The following HERC1 variants were observed in gnomAD, a reference collection of about 807,000 sequenced individuals.
HERC1 encodes the protein probable E3 ubiquitin-protein ligase HERC1.
HERC1 carries 160 observed loss-of-function variants against 554.3 expected under a neutral mutation model. That is an observed-to-expected ratio of 0.29 (90% CI 0.25 to 0.33). HERC1 has a LOEUF of 0.33. Ranked by LOEUF, HERC1 falls within the 10% of genes least tolerant of loss-of-function variation. The pLI, the probability that HERC1 is intolerant of heterozygous loss-of-function variation, is 1.00. For missense variants in HERC1, 4,919 were observed against 5,918.5 expected, an observed-to-expected ratio of 0.83 and a Z score of 5.54; for synonymous variants, 2,175 against 2,131.7, an observed-to-expected ratio of 1.02 and a Z score of -0.56.
chr15:63,609,012 G>C lies in HERC1; in HGVS notation c.*69C>G, dbSNP rs1032037660. On this transcript the variant is annotated 3_prime_UTR_variant, in exon 78 of 78. Transcript: ENST00000443617. The stretch of plus-strand genomic sequence containing the variant: ...TAACATCTATGTAGTTACCATAAAA[G>C]TATATCAACATCAAATCAGAAGTGA... 55 of 1,378,218 alleles carry C rather than the reference G, an allele frequency of 4.0e-5. 2 individuals carry two copies. The South Asian group carries it at 6.6e-4, about 16-fold the overall frequency. 85.4% of individuals were successfully genotyped at this position (1,378,218 alleles called of 1,614,324 possible). A position where few individuals can be genotyped will look rare whatever the true frequency, so the allele number is the denominator to read the frequency against.
At chr15:63,671,157 C>T (rs2152966368) in intron 39 of HERC1, among the ~76,000 whole-genome samples, 1 of 149,212 alleles carries the variant, frequency 6.7e-6, no homozygotes. Flanking sequence ...GAGCCCAGAT[C>T]GCACCACTGC....
chr15:63,724,000 A>G (rs1395549316), intron 18 of HERC1, among the ~76,000 whole-genome samples: 2 of 152,230 alleles, frequency 1.3e-5, no homozygotes, highest in Non-Finnish European at 2.9e-5. Flanking sequence ...AACCCATAGT[A>G]TAACTGAATT....
chr15:63,703,852 T>C (rs1017762616), intron 25 of HERC1, among the ~76,000 whole-genome samples: 6 of 151,056 alleles, frequency 4.0e-5, no homozygotes, highest in Admixed American at 4.0e-4. Flanking sequence ...TGAGCCTCAG[T>C]GGTGCAGTGA....
chr15:63,654,035 C>G, intron 51 of HERC1, 84 bp downstream of exon 51: 1 of 1,054,768 alleles, frequency 9.5e-7, no homozygotes, highest in Non-Finnish European at 1.4e-6. Context: ...AGAGAGAGAC[C>G]TAAACTTTGA....
intron 27 of HERC1, among the ~76,000 whole-genome samples, chr15:63,695,439 G>A (rs1216725888): frequency 7.2e-6 from 1 of 139,636 alleles, no homozygotes; most frequent in Non-Finnish European, 1.5e-5. Flanking sequence ...AGGCTGGAGT[G>A]TAGTGGGGTG....
chr15:63,690,401 A>G (rs1228517767), intron 32 of HERC1, 140 bp downstream of exon 32: 1 of 570,344 alleles, frequency 1.8e-6, no homozygotes, highest in Non-Finnish European at 3.1e-6. Flanking sequence ...GTGAAATAAT[A>G]AAGAAAGCAG....
intron 25 of HERC1, among the ~76,000 whole-genome samples, chr15:63,703,298 A>C (rs2072829103): frequency 6.6e-6 from 1 of 152,216 alleles, no homozygotes; most frequent in African/African-American, 2.4e-5. Context: ...GTGGTTCAAC[A>C]GCGTGAATCT....
At chr15:63,776,946 T>C (rs1181960998) in intron 1 of HERC1, among the ~76,000 whole-genome samples, 1 of 152,240 alleles carries the variant, frequency 6.6e-6, no homozygotes, top group Non-Finnish European at 1.5e-5. Flanking sequence ...ACATCTGTAG[T>C]TTATTTTGAA....
At chr15:63,632,936 C>A in intron 67 of HERC1, 125 bp from the exon 68 acceptor site, 2 of 652,886 alleles carry the variant, frequency 3.1e-6, no homozygotes, top group East Asian at 2.7e-5. Context: ...ACCTGTTCGA[C>A]CCAAATCCAA....
rs748991540 is a variant in HERC1 at position 63,732,989 on chromosome 15, G to T, written c.2803C>A (p.His935Asn). The stretch of plus-strand genomic sequence containing the variant: ...ATTTCAGCCAGGTGGGTATCTGGAT[G>T]GCAGCTCTGAGTGCCGTAAGGTTGA... Reference protein sequence around the residue: ...SDQPYGTQSCHPDTHLAEILM... With the variant: ...SDQPYGTQSCNPDTHLAEILM... Residue 935 changes from histidine to asparagine, a missense_variant, in exon 14 of 78, where the codon CAT becomes AAT. Physicochemically the swap from His to Asn is moderately conservative, Grantham distance 68 (BLOSUM62 1). Transcript: ENST00000443617. 6.2e-7 allele frequency: 1 copy of T among 1,613,962 alleles called. No homozygotes were observed. Among genetic ancestry groups the T allele is most frequent in the Non-Finnish European group, 8.5e-7 (1 of 1,179,864 alleles).
chr15:63,822,163 A>C (rs995351712), intron 1 of HERC1, among the ~76,000 whole-genome samples: 5 of 152,234 alleles, frequency 3.3e-5, no homozygotes, highest in African/African-American at 1.2e-4. Flanking sequence ...TGGCCCGGTC[A>C]GGGAATACGG....
In HERC1 at chr15:63,734,379, T is replaced by C. The variant is rs2074415411; in HGVS notation, c.2646+345A>G. On this transcript the variant is annotated intron_variant, in intron 13 of 77. Coordinates refer to ENST00000443617, the MANE Select transcript of HERC1 (RefSeq NM_003922.4). The surrounding 1 kb of genome is among the most constrained non-coding windows in gnomAD (Gnocchi z 4.6). ...TCCTAATAGTCATCTATACTCTTTA[T>C]ACAAACGATTTCAGACAAAGTTCTC... is the stretch of plus-strand genomic sequence containing the variant. Among the ~76,000 whole-genome samples, 1 of 152,168 alleles carries C rather than the reference T, an allele frequency of 6.6e-6. No individual in the cohort carries two copies. Among genetic ancestry groups the C allele is most frequent in the East Asian group, 1.9e-4 (1 of 5,200 alleles).
intron 1 of HERC1, among the ~76,000 whole-genome samples, chr15:63,824,880 T>A (rs1596332638): frequency 6.8e-6 from 1 of 147,306 alleles, no homozygotes; most frequent in Non-Finnish European, 1.5e-5. Context: ...CTTCTATATG[T>A]GGAATCTTAA....
chr15:63,748,171 A>G (rs970623138), intron 10 of HERC1, among the ~76,000 whole-genome samples: 2 of 152,148 alleles, frequency 1.3e-5, no homozygotes, highest in Non-Finnish European at 2.9e-5. Flanking sequence ...CACTGCAGTG[A>G]GCAGAGACTG....
At chr15:63,704,734 A>ATTT (rs567922548) in intron 25 of HERC1, among the ~76,000 whole-genome samples, 7 of 88,426 alleles carry the variant, frequency 7.9e-5, no homozygotes, top group East Asian at 4.4e-4. Flanking sequence ...ATACTCTGTA[A>ATTT]TTTTTTTTTT....
intron 59 of HERC1, among the ~76,000 whole-genome samples, chr15:63,642,466 T>C (rs769166236): frequency 6.6e-6 from 1 of 152,158 alleles, no homozygotes; most frequent in Non-Finnish European, 1.5e-5. Flanking sequence ...GCCTTCCAAG[T>C]AGCTGAGACT....
chr15:63,663,345 A>G (rs532917498), intron 43 of HERC1, 141 bp from the exon 44 acceptor site: 6 of 685,730 alleles, frequency 8.7e-6, no homozygotes, highest in Middle Eastern at 7.7e-4. Context: ...ACATCAAATT[A>G]TACCTATCAC....
At chr15:63,624,464 T>A in intron 71 of HERC1, 137 bp from the exon 72 acceptor site, 2 of 709,220 alleles carry the variant, frequency 2.8e-6, no homozygotes, top group South Asian at 2.2e-5. Context: ...TGGGAGGCTG[T>A]GGTGGGCGGA....
chr15:63,829,559 GTGTATATATA>G (rs370091268), intron 1 of HERC1, among the ~76,000 whole-genome samples: 2,699 of 94,520 alleles, frequency 0.029, 74 homozygotes, highest in African/African-American at 0.087. Context: ...GTGTGTGTGT[GTGTATATATA>G]TATATATATA....
Sources: allele counts gnomAD v4.1 joint callset (sites outside exome capture counted in the v4.1 genomes callset), GRCh38; gene constraint gnomAD v4.1.1; non-coding constraint Gnocchi (gnomAD v3.1); transcripts MANE v1.5; gene names NCBI Gene and HGNC (gene_info 2026-07-23, HGNC 2026-07-21).